Variants in CNTN5 observed in about 807,000 individuals in gnomAD.
CNTN5 encodes the protein contactin 5.
A neutral mutation model predicts 129.1 loss-of-function variants in CNTN5; 77 were observed. The ratio of observed to expected loss-of-function variants is 0.60; its 90% confidence interval spans 0.50 to 0.72. The LOEUF (loss-of-function observed/expected upper bound fraction) is 0.72, where lower values mean the gene tolerates loss of function less well. Ranked by LOEUF, CNTN5 falls within the 30% of genes least tolerant of loss-of-function variation. The pLI, the probability that CNTN5 is intolerant of heterozygous loss-of-function variation, is 0.00. For synonymous variants in CNTN5, 509 were observed against 465.6 expected, an observed-to-expected ratio of 1.09 and a Z score of -1.20; for missense variants, 1,478 against 1,328.8, an observed-to-expected ratio of 1.11 and a Z score of -1.75.
intron 8 of CNTN5, among the ~76,000 whole-genome samples, chr11:99,961,036 C>G (rs371609305): frequency 6.6e-6 from 1 of 151,732 alleles, no homozygotes; most frequent in Admixed American, 6.6e-5. Context: ...AAACCTGTCT[C>G]TACTGAAAAA....
chr11:99,718,181 G>A (rs552161034), intron 3 of CNTN5, among the ~76,000 whole-genome samples: 3 of 151,402 alleles, frequency 2.0e-5, no homozygotes, highest in African/African-American at 7.2e-5. Flanking sequence ...CTTTATGATT[G>A]TTATTCTAAG....
chr11:100,011,935 G>T (rs968444706), intron 9 of CNTN5, among the ~76,000 whole-genome samples: 4 of 152,096 alleles, frequency 2.6e-5, no homozygotes, highest in African/African-American at 4.8e-5. Flanking sequence ...GTTCCTGGAA[G>T]AACCTGCTCT....
chr11:99,154,052 C>T (rs775077701), intron 1 of CNTN5, among the ~76,000 whole-genome samples: 4 of 152,080 alleles, frequency 2.6e-5, no homozygotes, highest in East Asian at 1.9e-4. Flanking sequence ...CATCTGCTGA[C>T]GAAAACACTC....
chr11:99,026,771 T>A (rs1863124812), intron 1 of CNTN5, among the ~76,000 whole-genome samples: 1 of 151,636 alleles, frequency 6.6e-6, no homozygotes, highest in Non-Finnish European at 1.5e-5. Flanking sequence ...AAAGATGGAA[T>A]TAGAACCCAC....
At chr11:99,960,736 G>A (rs968099080) in intron 8 of CNTN5, among the ~76,000 whole-genome samples, 10 of 152,222 alleles carry the variant, frequency 6.6e-5, no homozygotes, top group African/African-American at 1.7e-4. Context: ...AGTGAAAATC[G>A]TAATGAAGGC....
At chr11:100,040,223 C>T (rs1379817449) in intron 9 of CNTN5, among the ~76,000 whole-genome samples, 5 of 152,138 alleles carry the variant, frequency 3.3e-5, no homozygotes, top group South Asian at 2.1e-4. Context: ...TTGGAGTTTG[C>T]TAGAGGTCCA....
chr11:99,649,162 A>G (rs2135873411), intron 3 of CNTN5, among the ~76,000 whole-genome samples: 1 of 149,394 alleles, frequency 6.7e-6, no homozygotes, highest in African/African-American at 2.4e-5. Flanking sequence ...CCCCATAAAT[A>G]GAAACAATTA....
intron 17 of CNTN5, among the ~76,000 whole-genome samples, chr11:100,264,268 G>A (rs1180403284): frequency 1.3e-5 from 2 of 152,120 alleles, no homozygotes; most frequent in African/African-American, 4.8e-5. Context: ...TGAGCAGAAC[G>A]TGCAGGTTTG....
intron 3 of CNTN5, among the ~76,000 whole-genome samples, chr11:99,763,293 C>T (rs1241102939): frequency 1.3e-5 from 2 of 152,062 alleles, no homozygotes; most frequent in Admixed American, 1.3e-4. Context: ...CTTTACCATA[C>T]AGAGATGCAA....
chr11:99,248,245 G>C (rs1861919013), intron 1 of CNTN5, among the ~76,000 whole-genome samples: 1 of 151,954 alleles, frequency 6.6e-6, no homozygotes, highest in Admixed American at 6.6e-5. Flanking sequence ...TGTCTTTTGG[G>C]TGCGTAAATG....
chr11:99,594,857 GA>G (rs1394282410), intron 3 of CNTN5, among the ~76,000 whole-genome samples: 3 of 152,172 alleles, frequency 2.0e-5, no homozygotes. Flanking sequence ...CTTTCTAGTT[GA>G]TTTTTGATAG....
chr11:100,084,628 G>T (rs1445292158), intron 13 of CNTN5, among the ~76,000 whole-genome samples: 3 of 151,910 alleles, frequency 2.0e-5, no homozygotes, highest in African/African-American at 7.3e-5. Context: ...GTTATCATTT[G>T]CATGCTTACA....
intron 3 of CNTN5, among the ~76,000 whole-genome samples, chr11:99,666,656 G>T (rs919441105): frequency 6.6e-6 from 1 of 152,092 alleles, no homozygotes; most frequent in Non-Finnish European, 1.5e-5. Context: ...GGAGACAGCC[G>T]CAATGGCATG....
intron 13 of CNTN5, among the ~76,000 whole-genome samples, chr11:100,182,805 T>C (rs891196664): frequency 6.6e-6 from 1 of 151,968 alleles, no homozygotes; most frequent in African/African-American, 2.4e-5. Context: ...AACTTCAACA[T>C]GAGGAATTTC....
chr11:99,727,233 G>C (rs1235909147), intron 3 of CNTN5, among the ~76,000 whole-genome samples: 1 of 141,940 alleles, frequency 7.0e-6, no homozygotes, highest in African/African-American at 2.6e-5. Context: ...GTGAACCCGG[G>C]AAGCGGAGCT....
chr11:99,840,487 G>A (rs1433053714), intron 4 of CNTN5, among the ~76,000 whole-genome samples: 2 of 151,612 alleles, frequency 1.3e-5, no homozygotes, highest in Non-Finnish European at 2.9e-5. Flanking sequence ...AGAATAAACA[G>A]ATTATTTCCA....
Position 100,299,217 on chromosome 11 carries a change from G to A in CNTN5, c.2441G>A (p.Arg814Lys). 6.2e-7 allele frequency: 1 copy of A among 1,610,000 alleles called. No homozygotes were observed. The highest frequency in any genetic ancestry group is 1.1e-5 in the South Asian group (1 of 90,934). The stretch of plus-strand genomic sequence containing the variant: ...GGCTTCGGCTATATTGTGGCTTTCA[G>A]ACCCAATGGAACACGTGGCTGGAAG... Reference protein sequence around the residue: ...GEGFGYIVAFRPNGTRGWKEK... With the variant: ...GEGFGYIVAFKPNGTRGWKEK... Residue 814 changes from arginine to lysine, a missense_variant, in exon 20 of 25, where the codon AGA (arginine) becomes AAA (lysine). By Grantham distance (26) the Arg-to-Lys change is conservative (BLOSUM62 2). Transcript: ENST00000524871.
At chr11:99,328,531 T>C (rs186168246) in intron 2 of CNTN5, among the ~76,000 whole-genome samples, 10 of 152,208 alleles carry the variant, frequency 6.6e-5, no homozygotes, top group African/African-American at 7.2e-5. Flanking sequence ...TTAGAAAATA[T>C]TGTTTTCCAG....
At chr11:99,800,623 A>C (rs1264324071) in intron 3 of CNTN5, among the ~76,000 whole-genome samples, 1 of 152,086 alleles carries the variant, frequency 6.6e-6, no homozygotes, top group African/African-American at 2.4e-5. Context: ...AAAGTGCTCT[A>C]ATGTTTGATG....
Sources: allele counts gnomAD v4.1 joint callset (sites outside exome capture counted in the v4.1 genomes callset), GRCh38; gene constraint gnomAD v4.1.1; transcripts MANE v1.5; gene names NCBI Gene and HGNC (gene_info 2026-07-23, HGNC 2026-07-21).